MMP16: variants seen among roughly 807,000 people sequenced by gnomAD.
The protein encoded by MMP16 is matrix metalloproteinase-16.
A neutral mutation model predicts 67.8 loss-of-function variants in MMP16; 12 were observed. The observed-to-expected ratio is 0.18, with a 90% CI of 0.11 to 0.29. The LOEUF (loss-of-function observed/expected upper bound fraction) is 0.29, where lower values mean the gene tolerates loss of function less well. MMP16 is among the 10% of genes least tolerant of loss of function. The pLI is 1.00. For synonymous variants in MMP16, 249 were observed against 255.9 expected (o/e 0.97, Z 0.26); for missense variants, 475 against 765.7 (o/e 0.62, Z 4.48).
chr8:88,049,250 T>C (rs1377802939), intron 8 of MMP16, among the ~76,000 whole-genome samples: 1 of 152,188 alleles, frequency 6.6e-6, no homozygotes, highest in Admixed American at 6.5e-5. Flanking sequence ...CATTAGTGTA[T>C]CATGCCACCA....
At chr8:88,161,546 T>C (rs1223885349) in intron 4 of MMP16, among the ~76,000 whole-genome samples, 1 of 152,146 alleles carries the variant, frequency 6.6e-6, no homozygotes, top group Non-Finnish European at 1.5e-5. Flanking sequence ...TGTGTCTCTA[T>C]TTCCTTCAGT....
At chr8:88,132,271 T>C (rs1321552662) in intron 4 of MMP16, among the ~76,000 whole-genome samples, 3 of 151,946 alleles carry the variant, frequency 2.0e-5, no homozygotes, top group Non-Finnish European at 4.4e-5. Flanking sequence ...GATTTTTCAA[T>C]TGTACTTCAT....
intron 7 of MMP16, among the ~76,000 whole-genome samples, chr8:88,067,674 T>G (rs1808481145): frequency 6.6e-6 from 1 of 152,146 alleles, no homozygotes; most frequent in South Asian, 2.1e-4. Context: ...TAATACAGTA[T>G]GTACTCTTGT....
At chr8:88,293,987 C>A (rs1428491663) in intron 1 of MMP16, among the ~76,000 whole-genome samples, 1 of 151,910 alleles carries the variant, frequency 6.6e-6, no homozygotes, top group Non-Finnish European at 1.5e-5. Flanking sequence ...CAAAGCTAGA[C>A]CAACCATCAG....
chr8:88,072,993 G>C (rs542512022), intron 7 of MMP16, among the ~76,000 whole-genome samples: 1 of 152,280 alleles, frequency 6.6e-6, no homozygotes, highest in South Asian at 2.1e-4. Context: ...GCCATAAAGA[G>C]CTGTCAGAAC....
At chr8:88,103,108 T>A (rs938769114) in intron 6 of MMP16, among the ~76,000 whole-genome samples, 16 of 151,852 alleles carry the variant, frequency 1.1e-4, no homozygotes, top group African/African-American at 3.6e-4. Flanking sequence ...TTGATTTCTA[T>A]AGTAAGCTAC....
chr8:88,051,634 C>A (rs528427194), intron 8 of MMP16, among the ~76,000 whole-genome samples: 2 of 152,146 alleles, frequency 1.3e-5, no homozygotes, highest in South Asian at 4.1e-4. Context: ...ACATATACAT[C>A]AAAAAATTAC....
At chr8:88,188,866 G>C (rs1287271436) in intron 2 of MMP16, among the ~76,000 whole-genome samples, 1 of 152,098 alleles carries the variant, frequency 6.6e-6, no homozygotes, top group Non-Finnish European at 1.5e-5. Context: ...TGTTGGTCAG[G>C]CTGGTCTCAA....
chr8:88,292,669 A>T (rs1047829397), intron 1 of MMP16, among the ~76,000 whole-genome samples: 1 of 152,210 alleles, frequency 6.6e-6, no homozygotes, highest in African/African-American at 2.4e-5. Context: ...CATCCGGATA[A>T]TTAAACAGTT....
rs1378513754 is a variant in MMP16, at chr8:88,035,867, T to C, written c.*5594A>G. On this transcript the variant is annotated 3_prime_UTR_variant, in exon 10 of 10. Coordinates refer to ENST00000286614, the MANE Select transcript of MMP16 (RefSeq NM_005941.5). The surrounding 1 kb of genome is among the most constrained non-coding windows in gnomAD (Gnocchi z 4.7). ...TTTCAAAGTAGACATACGTATAAAA[T>C]ATTGAAACATATATTTGTAATTGGA... 1 of 151,998 alleles carries C rather than the reference T, an allele frequency of 6.6e-6. No individual in the cohort carries two copies. The highest frequency in any genetic ancestry group is 1.5e-5 in the Non-Finnish European group (1 of 67,896). 9.4% of individuals were successfully genotyped at this position (151,998 alleles called of 1,614,324 possible).
At chr8:88,164,476 C>A (rs146660540) in intron 4 of MMP16, among the ~76,000 whole-genome samples, 1 of 152,138 alleles carries the variant, frequency 6.6e-6, no homozygotes, top group Non-Finnish European at 1.5e-5. Context: ...GATAAATGAT[C>A]AATACTTCAG....
intron 6 of MMP16, 98 bp downstream of exon 6, chr8:88,116,409 G>A: frequency 9.8e-7 from 1 of 1,024,882 alleles, no homozygotes; most frequent in Non-Finnish European, 1.4e-6. Flanking sequence ...CTGTGAGAGG[G>A]CTGGGAAGGT....
At chr8:88,167,515 T>C (rs755169176) in intron 4 of MMP16, among the ~76,000 whole-genome samples, 154 bp downstream of exon 4, 1 of 152,182 alleles carries the variant, frequency 6.6e-6, no homozygotes, top group Non-Finnish European at 1.5e-5. Context: ...CACAAATTCT[T>C]ATCCTAAAAT....
intron 1 of MMP16, among the ~76,000 whole-genome samples, chr8:88,231,862 A>G (rs1461412430): frequency 2.6e-5 from 4 of 151,392 alleles, no homozygotes; most frequent in Admixed American, 2.6e-4. Flanking sequence ...AATATGATAA[A>G]CAAATATATG....
At chr8:88,095,847 C>T (rs954068929) in intron 6 of MMP16, among the ~76,000 whole-genome samples, 1 of 151,874 alleles carries the variant, frequency 6.6e-6, no homozygotes, top group Non-Finnish European at 1.5e-5. Flanking sequence ...AACTATTTTC[C>T]ACCTCCAAAA....
At chr8:88,266,342 T>TC (rs1250768052) in intron 1 of MMP16, among the ~76,000 whole-genome samples, 1 of 57,678 alleles carries the variant, frequency 1.7e-5, no homozygotes, top group Non-Finnish European at 4.5e-5. Flanking sequence ...AGTATGCTAT[T>TC]TTTTAACATA....
rs1006706667 is a variant in MMP16 at position 88,132,260 on chromosome 8, C to A, written c.710-13399G>T. Among the ~76,000 whole-genome samples, 3 of 151,918 alleles carry A rather than the reference C, an allele frequency of 2.0e-5. No individual in the cohort carries two copies. In the East Asian group the frequency reaches 5.8e-4, roughly 30 times the overall value. ...ACCCTTGGAAAGACTCTTTAAAATA[C>A]GATTTTTCAATTGTACTTCATAAAC... On this transcript the variant is annotated intron_variant, in intron 4 of 9. Transcript: ENST00000286614.
chr8:88,279,221 A>C (rs1373248608), intron 1 of MMP16, among the ~76,000 whole-genome samples: 2 of 126,238 alleles, frequency 1.6e-5, no homozygotes, highest in African/African-American at 6.2e-5. Context: ...ACTCTGTCTC[A>C]AAAAAAAAAA....
At chr8:88,237,004 T>A (rs1049237261) in intron 1 of MMP16, among the ~76,000 whole-genome samples, 1 of 152,326 alleles carries the variant, frequency 6.6e-6, no homozygotes, top group Admixed American at 6.5e-5. Flanking sequence ...GGCGAGGTTA[T>A]AAATATCGCT....
Sources: allele counts gnomAD v4.1 joint callset (sites outside exome capture counted in the v4.1 genomes callset), GRCh38; gene constraint gnomAD v4.1.1; non-coding constraint Gnocchi (gnomAD v3.1); transcripts MANE v1.5; gene names NCBI Gene and HGNC (gene_info 2026-07-23, HGNC 2026-07-21).